The following RNF4 variants were observed in gnomAD, a reference collection of about 807,000 sequenced individuals.
RNF4 encodes the protein E3 ubiquitin-protein ligase RNF4.
A neutral mutation model predicts 24.3 loss-of-function variants in RNF4; 7 were observed. The ratio of observed to expected loss-of-function variants is 0.29; its 90% CI spans 0.16 to 0.54. The LOEUF (loss-of-function observed/expected upper bound fraction) is 0.54, where lower values mean the gene tolerates loss of function less well. Ranked by LOEUF, RNF4 falls within the 20% of genes least tolerant of loss-of-function variation. RNF4 has a pLI of 0.95. For synonymous variants in RNF4, 83 were observed against 84.3 expected (o/e 0.98, Z 0.09); for missense variants, 209 against 248.5 (o/e 0.84, Z 1.07).
intron 3 of RNF4, among the ~76,000 whole-genome samples, chr4:2,497,833 ACCATGTTAG>A (rs1735784147): frequency 6.6e-6 from 1 of 151,838 alleles, no homozygotes. Flanking sequence ...ACAGGGTTTC[ACCATGTTAG>A]CCAGGATGGT....
rs1236898406 is a variant in RNF4 at position 2,469,125 on chromosome 4, T to A, written c.-291T>A. On this transcript the variant is annotated 5_prime_UTR_variant, in exon 1 of 8. Coordinates refer to ENST00000314289, the MANE Select transcript of RNF4 (RefSeq NM_002938.5). ...CTCCGAAGCGGAAGTGGGTTGCTGT[T>A]GAGGCGGCGGCATCTTTCTCGAGGA... 1.3e-5 allele frequency: 2 copies of A among 152,160 alleles called. No homozygotes were observed. The highest frequency in any genetic ancestry group is 4.8e-5 in the African/African-American group (2 of 41,418). The allele number at this position is 152,160 out of a possible 1,614,324, so 9.4% of individuals were successfully genotyped here.
rs1736336875 is a variant in RNF4 at position 2,513,837 on chromosome 4, A to C, written c.*18A>C. ...ATATATGAAGTATTCAGAGCCCCCC[A>C]GGAGAGACGGATGGACAGACAGACA... On this transcript the variant is annotated 3_prime_UTR_variant, in exon 8 of 8. Transcript: ENST00000314289. 6.2e-7 allele frequency: 1 copy of C among 1,613,634 alleles called. No individual in the cohort carries two copies. Among genetic ancestry groups the C allele is most frequent in the Admixed American group, 1.7e-5 (1 of 59,994 alleles).
intron 7 of RNF4, 64 bp from the exon 8 acceptor site, chr4:2,513,606 C>G: frequency 3.1e-6 from 5 of 1,596,134 alleles, no homozygotes; most frequent in Non-Finnish European, 3.4e-6. Flanking sequence ...GTGGGATTCT[C>G]TGGCCCCATG....
chr4:2,483,824 T>C (rs1462382254), intron 1 of RNF4, among the ~76,000 whole-genome samples: 2 of 151,982 alleles, frequency 1.3e-5, no homozygotes, highest in South Asian at 2.1e-4. Flanking sequence ...TATTTGTTTT[T>C]ATTGATTTTT....
intron 1 of RNF4, among the ~76,000 whole-genome samples, chr4:2,472,987 C>T (rs1167401728): frequency 6.6e-6 from 1 of 151,888 alleles, no homozygotes; most frequent in Admixed American, 6.6e-5. Flanking sequence ...TTGCAGTGAG[C>T]CAAGATAGCA....
At chr4:2,510,157 T>C (rs1296450151) in intron 4 of RNF4, among the ~76,000 whole-genome samples, 2 of 152,218 alleles carry the variant, frequency 1.3e-5, no homozygotes, top group African/African-American at 4.8e-5. Flanking sequence ...CAAAGACCTT[T>C]ATACTCAGTC....
intron 1 of RNF4, among the ~76,000 whole-genome samples, chr4:2,487,138 CA>C (rs1386720421): frequency 6.6e-6 from 1 of 152,182 alleles, no homozygotes; most frequent in African/African-American, 2.4e-5. Context: ...CTTTGAGAAG[CA>C]TTTGTGCTCC....
chr4:2,510,275 C>T (rs1225810567), intron 4 of RNF4, among the ~76,000 whole-genome samples: 2 of 152,162 alleles, frequency 1.3e-5, no homozygotes, highest in South Asian at 2.1e-4. Flanking sequence ...GAAGGAGAAG[C>T]CTAAATCAGC....
chr4:2,510,529 C>A (rs1736242561), intron 4 of RNF4, among the ~76,000 whole-genome samples: 3 of 152,226 alleles, frequency 2.0e-5, no homozygotes, highest in South Asian at 4.1e-4. Flanking sequence ...AGTGCCAACA[C>A]CCTCAGCAGC....
At chr4:2,502,519 A>AC (rs1735941737) in intron 4 of RNF4, among the ~76,000 whole-genome samples, 1 of 152,066 alleles carries the variant, frequency 6.6e-6, no homozygotes, top group Non-Finnish European at 1.5e-5. Flanking sequence ...CCCTGTCTCT[A>AC]CTAAAAATAC....
In RNF4 at chr4:2,512,162, A is replaced by T. The variant is rs1241417863; in HGVS notation, c.214+197A>T. On this transcript the variant is annotated intron_variant, in intron 5 of 7. Transcript: ENST00000314289. This position sits in a 1 kb window ranked among gnomAD's most constrained non-coding sequence, Gnocchi z 4.1. ...CTGCTGAAGAAACTTCACCACTATC[A>T]TTGAGCACTGAGCTATAGTCCTTTC... The T allele has an allele frequency of 2.3e-5, 15 of 644,962 alleles. No homozygotes were observed. Among genetic ancestry groups the T allele is most frequent in the Non-Finnish European group, 3.5e-5 (13 of 368,650 alleles). The allele number at this position is 644,962 out of a possible 1,614,324, so 40.0% of individuals were successfully genotyped here.
intron 1 of RNF4, among the ~76,000 whole-genome samples, chr4:2,477,657 T>C (rs1366101929): frequency 6.6e-6 from 1 of 152,206 alleles, no homozygotes; most frequent in Admixed American, 6.5e-5. Context: ...TGCTGCCATC[T>C]ATGTAAGGCA....
chr4:2,511,830 C>A, intron 4 of RNF4, 126 bp from the exon 5 acceptor site: 1 of 907,346 alleles, frequency 1.1e-6, no homozygotes, highest in Admixed American at 2.1e-5. Context: ...GAGGGTGGGG[C>A]CTCTGCTGCT....
chr4:2,494,900 A>G (rs758382947), intron 2 of RNF4: 4 of 152,232 alleles, frequency 2.6e-5, no homozygotes, highest in Non-Finnish European at 5.9e-5. Context: ...TGGCTAGCAG[A>G]TATTTAAGAA....
chr4:2,490,589 C>A, intron 2 of RNF4, 87 bp downstream of exon 2: 1 of 1,379,914 alleles, frequency 7.2e-7, no homozygotes, highest in East Asian at 2.4e-5. Context: ...AAGTGAGTTC[C>A]ATAATGTCAC....
At chr4:2,472,809 A>AG (rs1277625773) in intron 1 of RNF4, among the ~76,000 whole-genome samples, 1 of 149,862 alleles carries the variant, frequency 6.7e-6, no homozygotes, top group Non-Finnish European at 1.5e-5. Flanking sequence ...TGGGAGGCGA[A>AG]GTGGGCGGAT....
intron 2 of RNF4, among the ~76,000 whole-genome samples, chr4:2,491,899 A>G (rs1015457306): frequency 2.0e-5 from 3 of 151,232 alleles, no homozygotes; most frequent in African/African-American, 7.3e-5. Context: ...GCACCTGGCC[A>G]ATTTTTAAGA....
At chr4:2,497,179 A>G in intron 3 of RNF4, 58 bp downstream of exon 3, 1 of 1,335,034 alleles carries the variant, frequency 7.5e-7, no homozygotes, top group Non-Finnish European at 1.0e-6. Context: ...AGAACACTGT[A>G]CCAGGGTGAG....
chr4:2,511,262 C>T (rs1224433065), intron 4 of RNF4, among the ~76,000 whole-genome samples: 2 of 142,760 alleles, frequency 1.4e-5, no homozygotes, highest in Admixed American at 1.4e-4. Flanking sequence ...GCTGTGGCAG[C>T]CCCCAGATAG....
Sources: gnomAD v4.1 joint callset for allele counts (sites outside exome capture counted in the v4.1 genomes callset) on GRCh38, gnomAD v4.1.1 for gene constraint, Gnocchi (gnomAD v3.1) non-coding constraint, MANE v1.5 for transcripts, NCBI Gene and HGNC (gene_info 2026-07-23, HGNC 2026-07-21) for gene names.